Variants in UBE2N observed in about 807,000 individuals in gnomAD.
The protein encoded by UBE2N is ubiquitin-conjugating enzyme E2 N.
For synonymous variants in UBE2N, 70 were observed against 69.2 expected, an observed-to-expected ratio of 1.01 and a Z score of -0.06; for missense variants, 60 against 192.1, an observed-to-expected ratio of 0.31 and a Z score of 4.07.
intron 1 of UBE2N, among the ~76,000 whole-genome samples, chr12:93,434,689 A>G (rs570100284): frequency 6.6e-5 from 10 of 152,278 alleles, no homozygotes; most frequent in African/African-American, 2.4e-4. Flanking sequence ...TAAACTTGGC[A>G]AGAATCTGAA....
At chr12:93,425,149 T>G (rs1878541658) in intron 1 of UBE2N, among the ~76,000 whole-genome samples, 1 of 152,182 alleles carries the variant, frequency 6.6e-6, no homozygotes, top group Non-Finnish European at 1.5e-5. Flanking sequence ...GATTAGTATA[T>G]TAAGCAGATA....
At chr12:93,426,013 G>A (rs1878569197) in intron 1 of UBE2N, among the ~76,000 whole-genome samples, 2 of 152,136 alleles carry the variant, frequency 1.3e-5, no homozygotes, top group Non-Finnish European at 2.9e-5. Flanking sequence ...CTTGGTTAGG[G>A]ACTTTAATAT....
chr12:93,422,233 G>C (rs954373594), intron 1 of UBE2N, among the ~76,000 whole-genome samples: 1 of 152,120 alleles, frequency 6.6e-6, no homozygotes, highest in South Asian at 2.1e-4. Context: ...TAGTAGACTC[G>C]TGGCAGTCAA....
At chr12:93,431,079 T>G (rs1213235578) in intron 1 of UBE2N, among the ~76,000 whole-genome samples, 1 of 151,952 alleles carries the variant, frequency 6.6e-6, no homozygotes, top group South Asian at 2.1e-4. Flanking sequence ...ATACAAAAAT[T>G]AGCCGGGTGT....
chr12:93,418,454 G>A (rs1411064632), intron 1 of UBE2N, among the ~76,000 whole-genome samples: 1 of 151,508 alleles, frequency 6.6e-6, no homozygotes, highest in South Asian at 2.1e-4. Flanking sequence ...TGTAAGCCCT[G>A]TGAATTTTAC....
rs1372533036 is a variant in UBE2N, at chr12:93,407,318, C to G, written c.*2721G>C. On this transcript the variant is annotated 3_prime_UTR_variant, in exon 4 of 4. Coordinates refer to ENST00000318066, the MANE Select transcript of UBE2N (RefSeq NM_003348.4). ...GACAGAGTTACAACTATTTGTCTGT[C>G]CCCCTTCCCCATTAGAGTATATGGT... The G allele has an allele frequency of 1.3e-5, 2 of 152,398 alleles. No homozygotes were observed. Among genetic ancestry groups the G allele is most frequent in the East Asian group, 3.9e-4 (2 of 5,188 alleles). 9.4% of individuals were successfully genotyped at this position (152,398 alleles called of 1,614,324 possible).
chr12:93,413,573 C>T (rs1352049727), intron 1 of UBE2N, among the ~76,000 whole-genome samples: 1 of 152,126 alleles, frequency 6.6e-6, no homozygotes, highest in Admixed American at 6.6e-5. Context: ...TATCCCCAAC[C>T]TTTGCTCCTC....
chr12:93,431,249 CCAAA>C (rs1281243964), intron 1 of UBE2N, among the ~76,000 whole-genome samples: 6 of 152,136 alleles, frequency 3.9e-5, no homozygotes, highest in South Asian at 2.1e-4. Context: ...AACCAACCAA[CCAAA>C]CAAACAAAAC....
At chr12:93,412,069 C>A (rs923921123) in intron 1 of UBE2N, among the ~76,000 whole-genome samples, 1 of 152,022 alleles carries the variant, frequency 6.6e-6, no homozygotes, top group African/African-American at 2.4e-5. Context: ...TAAGAAGAGG[C>A]CCAGGTACCT....
rs1878039659 is a variant in UBE2N, at chr12:93,411,817, C to T, written c.31-518G>A. Among the ~76,000 whole-genome samples the T allele has an allele frequency of 2.0e-5, 3 of 152,092 alleles. No homozygotes were observed. In the South Asian group the frequency reaches 6.2e-4, roughly 32 times the overall value. On this transcript the variant is annotated intron_variant, in intron 1 of 3. Coordinates refer to ENST00000318066, the MANE Select transcript of UBE2N (RefSeq NM_003348.4). ...CAGGTGATCCTCCCAACTCGGCCTC[C>T]TGAGTAGCTGGGATTACAGGTGTGC...
intron 1 of UBE2N, among the ~76,000 whole-genome samples, chr12:93,425,198 A>G (rs1243797721): frequency 6.6e-6 from 1 of 152,196 alleles, no homozygotes; most frequent in East Asian, 1.9e-4. Flanking sequence ...CCAAGCTAAT[A>G]TTTGGCAGAG....
At chr12:93,421,433 A>G (rs1203598831) in intron 1 of UBE2N, among the ~76,000 whole-genome samples, 2 of 152,064 alleles carry the variant, frequency 1.3e-5, no homozygotes, top group African/African-American at 4.8e-5. Flanking sequence ...CGATCTCCTG[A>G]CCTCGTGATC....
At chr12:93,429,086 A>G (rs982865562) in intron 1 of UBE2N, among the ~76,000 whole-genome samples, 2 of 152,124 alleles carry the variant, frequency 1.3e-5, no homozygotes, top group Non-Finnish European at 2.9e-5. Flanking sequence ...CCTGACCAAC[A>G]TGGTGAAACC....
At chr12:93,410,431 A>G (rs1002329273) in intron 3 of UBE2N, 1 of 516,506 alleles carries the variant, frequency 1.9e-6, no homozygotes, top group Admixed American at 3.7e-5. Context: ...AATGGGTTAC[A>G]AAAACAGTTC....
chr12:93,431,212 G>C (rs563998100), intron 1 of UBE2N, among the ~76,000 whole-genome samples: 1 of 152,196 alleles, frequency 6.6e-6, no homozygotes, highest in South Asian at 2.1e-4. Context: ...TGGGCAACAA[G>C]AGCAAAACTC....
chr12:93,415,389 G>A (rs1396745222), intron 1 of UBE2N, among the ~76,000 whole-genome samples: 1 of 152,194 alleles, frequency 6.6e-6, no homozygotes, highest in East Asian at 1.9e-4. Context: ...GCCATTTTAG[G>A]TAATGTCTCT....
Position 93,409,108 on chromosome 12 carries a change from A to T in UBE2N, c.*931T>A, listed in dbSNP as rs1877954832. 1 of 152,630 alleles carries T rather than the reference A, an allele frequency of 6.6e-6. No individual in the cohort carries two copies. Among genetic ancestry groups the T allele is most frequent in the Non-Finnish European group, 1.5e-5 (1 of 68,042 alleles). 9.5% of individuals were successfully genotyped at this position (152,630 alleles called of 1,614,324 possible). A position where few individuals can be genotyped will look rare whatever the true frequency, so the allele number is the denominator to read the frequency against. On this transcript the variant is annotated 3_prime_UTR_variant, in exon 4 of 4. Coordinates refer to ENST00000318066, the MANE Select transcript of UBE2N (RefSeq NM_003348.4). ...AACACATTTATTTCAAATTCCTAGA[A>T]GGTTAAAAAAAGGTCAGATACTGAT...
At position 93,430,992 on chromosome 12, in the gene UBE2N, G is replaced by A. The variant is rs557728289; in HGVS notation, c.30+10863C>T. The stretch of plus-strand genomic sequence containing the variant: ...GCCTGTAATCCCAGCACTTTGGGAG[G>A]CCAAGGCGGGCGAATCACAAGGTCA... On this transcript the variant is annotated intron_variant, in intron 1 of 3. Coordinates refer to ENST00000318066, the MANE Select transcript of UBE2N (RefSeq NM_003348.4). Among the ~76,000 whole-genome samples the A allele has an allele frequency of 1.8e-3, 266 of 151,276 alleles. 1 individual carries two copies. Among genetic ancestry groups the A allele is most frequent in the Middle Eastern group, 6.9e-3 (2 of 288 alleles).
At chr12:93,436,350 C>T (rs1228543404) in intron 1 of UBE2N, among the ~76,000 whole-genome samples, 1 of 152,212 alleles carries the variant, frequency 6.6e-6, no homozygotes, top group East Asian at 1.9e-4. Context: ...GGGATCCTCC[C>T]GCCTCAGCCT....
Sources: gnomAD v4.1 joint callset for allele counts (sites outside exome capture counted in the v4.1 genomes callset) on GRCh38, gnomAD v4.1.1 for gene constraint, MANE v1.5 for transcripts, NCBI Gene and HGNC (gene_info 2026-07-23, HGNC 2026-07-21) for gene names.